FBXL7: variants seen among roughly 807,000 people sequenced by gnomAD.
FBXL7 encodes F-box and leucine rich repeat protein 7, also known as F-box/LRR-repeat protein 7.
In FBXL7, 12 loss-of-function variants were observed where a neutral mutation model predicts 38.3. That is an observed-to-expected ratio of 0.31 (90% CI 0.20 to 0.51). The LOEUF (loss-of-function observed/expected upper bound fraction) is 0.51. Ranked by LOEUF, FBXL7 falls within the 20% of genes least tolerant of loss-of-function variation. The probability of loss-of-function intolerance (pLI) is 0.98; values close to 1 mark genes in which losing one functional copy is unlikely to be tolerated. For synonymous variants in FBXL7, 297 were observed against 300.9 expected (o/e 0.99, Z 0.13); for missense variants, 567 against 676.4 (o/e 0.84, Z 1.79).
intron 2 of FBXL7, among the ~76,000 whole-genome samples, chr5:15,797,549 A>C (rs1282832279): frequency 6.6e-6 from 1 of 152,184 alleles, no homozygotes; most frequent in African/African-American, 2.4e-5. Context: ...ATGAATCTCA[A>C]TTCCCCAATT....
intron 2 of FBXL7, among the ~76,000 whole-genome samples, chr5:15,814,373 A>G (rs1401179520): frequency 6.6e-6 from 1 of 152,182 alleles, no homozygotes; most frequent in East Asian, 1.9e-4. Context: ...TAGGAGTCGA[A>G]CAATGAGAAC....
At chr5:15,862,311 GC>G (rs1281679911) in intron 2 of FBXL7, among the ~76,000 whole-genome samples, 1 of 152,166 alleles carries the variant, frequency 6.6e-6, no homozygotes, top group Non-Finnish European at 1.5e-5. Flanking sequence ...TGTGAAACGT[GC>G]CTTTCACCTT....
At chr5:15,699,181 TG>T (rs1383378340) in intron 2 of FBXL7, among the ~76,000 whole-genome samples, 1 of 152,094 alleles carries the variant, frequency 6.6e-6, no homozygotes, top group Non-Finnish European at 1.5e-5. Context: ...GTGTTATAAT[TG>T]GGGGGTATGT....
At chr5:15,927,764 T>TAA (rs753935096) in intron 2 of FBXL7, 126 bp from the exon 3 acceptor site, 6,343 of 453,692 alleles carry the variant, frequency 0.014, 33 homozygotes, top group African/African-American at 0.015. Flanking sequence ...GACAAGATCT[T>TAA]AAAAAAAAAA....
chr5:15,681,823 G>A (rs934072977), intron 2 of FBXL7, among the ~76,000 whole-genome samples: 5 of 152,106 alleles, frequency 3.3e-5, no homozygotes, highest in Non-Finnish European at 7.4e-5. Flanking sequence ...TTAGGAAATA[G>A]GAATACGTCA....
chr5:15,731,008 T>G (rs993099746), intron 2 of FBXL7, among the ~76,000 whole-genome samples: 12 of 152,238 alleles, frequency 7.9e-5, no homozygotes, highest in Non-Finnish European at 1.5e-4. Context: ...CTCTTATTAC[T>G]GATGTCTGGG....
At chr5:15,779,579 G>A (rs975837419) in intron 2 of FBXL7, among the ~76,000 whole-genome samples, 5 of 151,988 alleles carry the variant, frequency 3.3e-5, no homozygotes, top group South Asian at 2.1e-4. Context: ...GTTGTGGTTC[G>A]GTTCACAGTC....
intron 1 of FBXL7, among the ~76,000 whole-genome samples, chr5:15,593,104 A>G (rs1191613293): frequency 2.0e-5 from 3 of 152,222 alleles, no homozygotes; most frequent in Admixed American, 6.5e-5. Context: ...AAGTGGACAG[A>G]CTGAAGCCAG....
chr5:15,836,698 C>T (rs548295047), intron 2 of FBXL7, among the ~76,000 whole-genome samples: 2 of 152,096 alleles, frequency 1.3e-5, no homozygotes, highest in Admixed American at 1.3e-4. Context: ...AATAGGAGGC[C>T]AGAATGTGTG....
chr5:15,897,769 T>C lies in FBXL7; in HGVS notation c.128-30121T>C, dbSNP rs531224424. On this transcript the variant is annotated intron_variant, in intron 2 of 3. Coordinates refer to ENST00000504595, the MANE Select transcript of FBXL7 (RefSeq NM_012304.5). ...CCCAGCCAGGCCTGCCTTATGTGGA[T>C]AGGCAAGAACTTTGTTTGGAATTCA... Among the ~76,000 whole-genome samples the C allele has an allele frequency of 2.6e-5, 4 of 151,310 alleles. No homozygotes were observed. The South Asian group carries it at 8.4e-4, about 32-fold the overall frequency.
chr5:15,727,800 A>G (rs1207413224), intron 2 of FBXL7, among the ~76,000 whole-genome samples: 3 of 152,140 alleles, frequency 2.0e-5, no homozygotes, highest in Non-Finnish European at 2.9e-5. Flanking sequence ...ACTTCTGTAA[A>G]TATTCTCGCT....
chr5:15,661,691 C>T (rs1473308220), intron 2 of FBXL7, among the ~76,000 whole-genome samples: 1 of 152,178 alleles, frequency 6.6e-6, no homozygotes, highest in Non-Finnish European at 1.5e-5. Context: ...GCTCCTCTCC[C>T]TCCTCCCAAC....
At chr5:15,538,266 G>A (rs1033059299) in intron 1 of FBXL7, among the ~76,000 whole-genome samples, 6 of 152,108 alleles carry the variant, frequency 3.9e-5, no homozygotes, top group Non-Finnish European at 5.9e-5. Context: ...AGTGTATAAC[G>A]ACCTACAGGA....
intron 2 of FBXL7, among the ~76,000 whole-genome samples, chr5:15,872,019 G>T (rs1739986522): frequency 6.6e-6 from 1 of 152,122 alleles, no homozygotes; most frequent in Admixed American, 6.5e-5. Context: ...AGGAAAAAAT[G>T]TTAAGGGCAG....
Position 15,726,514 on chromosome 5 carries a change from G to A in FBXL7, c.127+110442G>A, listed in dbSNP as rs193183745. ...TCGAGACCAGCCTGGCCAATATGGTGAAACCCCGTCTCTACTAAAAATACA... is the reference window on the plus strand; with the variant it reads ...TCGAGACCAGCCTGGCCAATATGGTAAAACCCCGTCTCTACTAAAAATACA... On this transcript the variant is annotated intron_variant, in intron 2 of 3. Transcript: ENST00000504595. 4.0e-3 allele frequency among the ~76,000 whole-genome samples: 612 copies of A among 152,076 alleles called. 4 individuals carry two copies. Among genetic ancestry groups the A allele is most frequent in the African/African-American group, 0.014 (570 of 41,498 alleles).
chr5:15,661,793 GTTCC>G (rs1467698808), intron 2 of FBXL7, among the ~76,000 whole-genome samples: 1 of 152,130 alleles, frequency 6.6e-6, no homozygotes, highest in African/African-American at 2.4e-5. Flanking sequence ...TTGGATTTCT[GTTCC>G]TTCATTAGTT....
At chr5:15,543,332 TACTC>T (rs758542033) in intron 1 of FBXL7, among the ~76,000 whole-genome samples, 16 of 152,028 alleles carry the variant, frequency 1.1e-4, no homozygotes, top group African/African-American at 1.9e-4. Context: ...CTGTGAGACT[TACTC>T]ACTACTACCA....
rs546744635 is a variant in FBXL7 at position 15,939,375 on chromosome 5, G to A, written c.*2189G>A. On this transcript the variant is annotated 3_prime_UTR_variant, in exon 4 of 4. Coordinates refer to ENST00000504595, the MANE Select transcript of FBXL7 (RefSeq NM_012304.5). ...GCCCTGGGGTCTTCCGAGTGAGCTG[G>A]TTTAATACTCTGAGAATGAGCAGGG... 4 of 242,218 alleles carry A rather than the reference G, an allele frequency of 1.7e-5. No homozygotes were observed. In the East Asian group the frequency reaches 3.1e-4, roughly 19 times the overall value. 15.0% of individuals were successfully genotyped at this position (242,218 alleles called of 1,614,324 possible). A position where few individuals can be genotyped will look rare whatever the true frequency, so the allele number is the denominator to read the frequency against.
At chr5:15,605,549 A>G (rs1739977592) in intron 1 of FBXL7, among the ~76,000 whole-genome samples, 1 of 152,210 alleles carries the variant, frequency 6.6e-6, no homozygotes, top group African/African-American at 2.4e-5. Flanking sequence ...CATAGAGATC[A>G]AAAGCAGATT....
Sources: gnomAD v4.1 joint callset for allele counts (sites outside exome capture counted in the v4.1 genomes callset) on GRCh38, gnomAD v4.1.1 for gene constraint, MANE v1.5 for transcripts, NCBI Gene and HGNC (gene_info 2026-07-23, HGNC 2026-07-21) for gene names.